Variants in COBLL1 observed in about 807,000 individuals in gnomAD.
COBLL1 encodes cordon-bleu WH2 repeat protein like 1.
Under a neutral mutation model 94.8 loss-of-function variants are expected in COBLL1, and 50 were observed. The ratio of observed to expected loss-of-function variants is 0.53; its 90% CI spans 0.42 to 0.67. The LOEUF is 0.67. COBLL1 is among the 30% of genes least tolerant of loss of function. The probability of loss-of-function intolerance (pLI) is 0.00; values close to 1 mark genes in which losing one functional copy is unlikely to be tolerated. For missense variants in COBLL1, 1,362 were observed against 1,348.7 expected (o/e 1.01, Z -0.15); for synonymous variants, 448 against 473.8 (o/e 0.95, Z 0.71).
intron 2 of COBLL1, among the ~76,000 whole-genome samples, chr2:164,786,733 A>G (rs1217672172): frequency 6.6e-6 from 1 of 152,106 alleles, no homozygotes; most frequent in Non-Finnish European, 1.5e-5. Context: ...ACCTTCCCAG[A>G]TTCTTTGTCA....
At chr2:164,701,671 T>C (rs889669085) in intron 9 of COBLL1, among the ~76,000 whole-genome samples, 1 of 151,762 alleles carries the variant, frequency 6.6e-6, no homozygotes, top group Admixed American at 6.6e-5. Flanking sequence ...TTTCACTGTA[T>C]AAAAAAAATG....
intron 2 of COBLL1, among the ~76,000 whole-genome samples, chr2:164,807,363 G>T (rs1199940330): frequency 6.6e-6 from 1 of 151,556 alleles, no homozygotes; most frequent in Admixed American, 6.6e-5. Flanking sequence ...ACTTGAACCC[G>T]AGAGGCAGAG....
chr2:164,753,614 C>CAT (rs10634642), intron 2 of COBLL1, among the ~76,000 whole-genome samples: 41,417 of 151,788 alleles, frequency 0.27, 5,934 homozygotes, highest in East Asian at 0.4. Context: ...GCACTTGAAG[C>CAT]ATAATTAGTG....
chr2:164,668,134 T>C (rs541491957), intron 1 of COBLL1, among the ~76,000 whole-genome samples: 1 of 152,248 alleles, frequency 6.6e-6, no homozygotes, highest in East Asian at 1.9e-4. Context: ...CTGCTAACTT[T>C]TGTATTTTTT....
At chr2:164,835,236 C>G (rs952432500) in intron 2 of COBLL1, among the ~76,000 whole-genome samples, 1 of 152,190 alleles carries the variant, frequency 6.6e-6, no homozygotes, top group Non-Finnish European at 1.5e-5. Context: ...AGCAACAGCA[C>G]TATTCACAAT....
rs916466235 is a variant in COBLL1, at chr2:164,719,363, A to G, written c.996+2712T>C. ...GACTGGAATTACGAAGTTGATGTAC[A>G]GTTTCCTAGGGCTGCCCTAACAAAT... On this transcript the variant is annotated intron_variant, in intron 7 of 13. Transcript: ENST00000652658. Among the ~76,000 whole-genome samples the G allele has an allele frequency of 1.4e-4, 21 of 152,198 alleles. 1 individual carries two copies. The highest frequency in any genetic ancestry group is 4.8e-4 in the African/African-American group (20 of 41,450).
At chr2:164,800,525 T>C (rs1683715055) in intron 2 of COBLL1, 1 of 702,092 alleles carries the variant, frequency 1.4e-6, no homozygotes, top group Non-Finnish European at 2.6e-6. Flanking sequence ...TTATTAAATA[T>C]ACACTTACCA....
intron 8 of COBLL1, 50 bp downstream of exon 8, chr2:164,704,902 A>G: frequency 6.7e-7 from 1 of 1,487,518 alleles, no homozygotes; most frequent in Non-Finnish European, 9.0e-7. Context: ...TACTGTCCAT[A>G]TTAAACAAAA....
At chr2:164,736,372 T>C (rs914181457) in intron 3 of COBLL1, among the ~76,000 whole-genome samples, 7 of 152,144 alleles carry the variant, frequency 4.6e-5, no homozygotes, top group Admixed American at 1.3e-4. Flanking sequence ...ATTCTCAAAA[T>C]TGAGAATGCT....
At chr2:164,803,364 G>A (rs1683912779) in intron 2 of COBLL1, among the ~76,000 whole-genome samples, 1 of 151,732 alleles carries the variant, frequency 6.6e-6, no homozygotes, top group Non-Finnish European at 1.5e-5. Context: ...AGGAGATCGA[G>A]ACCATCCCGG....
chr2:164,814,915 T>C (rs1684641755), intron 2 of COBLL1, among the ~76,000 whole-genome samples: 1 of 152,330 alleles, frequency 6.6e-6, no homozygotes, highest in East Asian at 1.9e-4. Context: ...AATGACTATA[T>C]TTGACATAAG....
chr2:164,826,011 AGTTCC>A (rs1271611735), intron 2 of COBLL1, among the ~76,000 whole-genome samples: 4 of 152,202 alleles, frequency 2.6e-5, no homozygotes, highest in African/African-American at 7.2e-5. Flanking sequence ...GGGTGTCTCA[AGTTCC>A]TACCTCCTCT....
chr2:164,718,926 C>T (rs1685310401), intron 7 of COBLL1, among the ~76,000 whole-genome samples: 1 of 151,040 alleles, frequency 6.6e-6, no homozygotes, highest in Non-Finnish European at 1.5e-5. Flanking sequence ...AATGAGGAGG[C>T]ATTAAAAAGT....
intron 2 of COBLL1, among the ~76,000 whole-genome samples, chr2:164,753,919 G>C (rs366965): frequency 0.23 from 35,067 of 151,462 alleles, 4,710 homozygotes; most frequent in African/African-American, 0.37. Context: ...TTTTTGTAGA[G>C]ACAGGGTCGC....
At chr2:164,747,208 T>A (rs943062459) in intron 2 of COBLL1, among the ~76,000 whole-genome samples, 3 of 152,168 alleles carry the variant, frequency 2.0e-5, no homozygotes, top group Non-Finnish European at 4.4e-5. Context: ...TAAAATTAAC[T>A]GATTATGTTT....
chr2:164,808,417 G>A (rs1415682498), intron 2 of COBLL1, among the ~76,000 whole-genome samples: 1 of 152,022 alleles, frequency 6.6e-6, no homozygotes, highest in Non-Finnish European at 1.5e-5. Flanking sequence ...GTCTCCTTTT[G>A]TTTTCATCAT....
At chr2:164,678,903 C>T (rs1459818694), downstream of COBLL1, among the ~76,000 whole-genome samples, 2 of 152,064 alleles carry the variant, frequency 1.3e-5, no homozygotes, top group African/African-American at 4.8e-5. Context: ...AGAAAATGGT[C>T]AACGCATGTT....
intron 3 of COBLL1, among the ~76,000 whole-genome samples, chr2:164,732,583 A>C (rs867953715): frequency 6.6e-6 from 1 of 152,210 alleles, no homozygotes; most frequent in Non-Finnish European, 1.5e-5. Context: ...TGCCAACTGA[A>C]GGGGTAGCTG....
At chr2:164,697,141 C>T (rs1370972683) in intron 11 of COBLL1, 2 of 152,088 alleles carry the variant, frequency 1.3e-5, no homozygotes. Context: ...CATATCTTCA[C>T]ATTTTTAAAC....
Sources: allele counts gnomAD v4.1 joint callset (sites outside exome capture counted in the v4.1 genomes callset), GRCh38; gene constraint gnomAD v4.1.1; transcripts MANE v1.5; gene names NCBI Gene and HGNC (gene_info 2026-07-23, HGNC 2026-07-21).